SDCBP2: variants seen among roughly 807,000 people sequenced by gnomAD.
SDCBP2 encodes the protein syndecan binding protein 2.
SDCBP2 carries 28 observed loss-of-function variants against 30.7 expected under a neutral mutation model. That is an observed-to-expected ratio of 0.91 (90% confidence interval 0.68 to 1.25). The LOEUF (loss-of-function observed/expected upper bound fraction) is 1.25, where lower values mean the gene tolerates loss of function less well. Among genes scored for constraint, SDCBP2 ranks in the 50% most tolerant of loss-of-function variants. The pLI is 0.00. For synonymous variants in SDCBP2, 166 were observed against 157.3 expected, an observed-to-expected ratio of 1.06 and a Z score of -0.41; for missense variants, 399 against 379.0, an observed-to-expected ratio of 1.05 and a Z score of -0.44.
chr20:1,325,089 T>C (rs533198121), intron 1 of SDCBP2, among the ~76,000 whole-genome samples: 10 of 152,028 alleles, frequency 6.6e-5, no homozygotes, highest in African/African-American at 2.4e-4. Context: ...TTTCCTGCTT[T>C]GGGAAATAGG....
chr20:1,312,708 G>A lies in SDCBP2; in HGVS notation c.439C>T (p.Arg147Cys), dbSNP rs138600579. The change falls in exon 6 of 9, where the codon CGC becomes TGC. Residue 147 changes from arginine (R) to cysteine (C), a missense_variant. Transcript: ENST00000360779. ...ATCTGCAGGAGCTGGTCCCCAAAGC[G>A]CAGCCCCACAAGGGATGCAGGGGTG... ...ANTPASLVGL[R>C]FGDQLLQIDG... The A allele has an allele frequency of 8.5e-5, 137 of 1,613,954 alleles. No homozygotes were observed. In the African/African-American group the frequency reaches 1.6e-3, roughly 19 times the overall value.
intron 8 of SDCBP2, 113 bp from the exon 9 acceptor site, chr20:1,310,608 A>G: frequency 1.8e-6 from 2 of 1,119,642 alleles, no homozygotes; most frequent in South Asian, 3.0e-5. Context: ...TCCCAGTTCT[A>G]AGACTTTCGA....
At chr20:1,323,579 G>T (rs758562926) in intron 1 of SDCBP2, 36 of 152,106 alleles carry the variant, frequency 2.4e-4, no homozygotes, top group Non-Finnish European at 3.8e-4. Context: ...GCTGGGATGC[G>T]GGGAAGTGAG....
In SDCBP2 at chr20:1,319,671, C is replaced by A; in HGVS notation, c.55-12G>T. 6.5e-7 allele frequency: 1 copy of A among 1,548,742 alleles called. No individual in the cohort carries two copies. Among genetic ancestry groups the A allele is most frequent in the East Asian group, 2.3e-5 (1 of 42,694 alleles). On this transcript the variant is annotated splice_polypyrimidine_tract_variant and intron_variant, in intron 2 of 8. Coordinates refer to ENST00000360779, the MANE Select transcript of SDCBP2 (RefSeq NM_080489.5). ...GCTCTGACCTGGGCCTGGGGAGGAG[C>A]AGGGAGCACTGGTCAGCTGTGGCCA...
intron 1 of SDCBP2, among the ~76,000 whole-genome samples, chr20:1,327,044 T>C (rs1422115959): frequency 6.6e-6 from 1 of 152,206 alleles, no homozygotes; most frequent in Non-Finnish European, 1.5e-5. Flanking sequence ...GCCTGGCTCC[T>C]ATAATCTGAC....
chr20:1,317,940 T>A lies in SDCBP2; in HGVS notation c.225+378A>T. The A allele has an allele frequency of 8.6e-6, 3 of 350,812 alleles. No homozygotes were observed. In the East Asian group the frequency reaches 2.2e-4, roughly 26 times the overall value. 21.7% of individuals were successfully genotyped at this position (350,812 alleles called of 1,614,324 possible). ...CAGGAATTGAGCCTTGTTGTTTAATTTGGGGACCAGAGTTGGGTGACGAGC... is the reference window on the plus strand; with the variant it reads ...CAGGAATTGAGCCTTGTTGTTTAATATGGGGACCAGAGTTGGGTGACGAGC... On this transcript the variant is annotated intron_variant, in intron 4 of 8. Coordinates refer to ENST00000360779, the MANE Select transcript of SDCBP2 (RefSeq NM_080489.5).
intron 1 of SDCBP2, among the ~76,000 whole-genome samples, chr20:1,327,314 C>G (rs1362636407): frequency 1.3e-5 from 2 of 152,216 alleles, no homozygotes; most frequent in Non-Finnish European, 2.9e-5. Context: ...AGTGAGAACA[C>G]TCTTTGGAAC....
intron 8 of SDCBP2, 43 bp downstream of exon 8, chr20:1,310,757 G>T: frequency 6.5e-7 from 1 of 1,532,484 alleles, no homozygotes. Flanking sequence ...GAAGGGGATG[G>T]CAGAGGAGGG....
intron 2 of SDCBP2, 95 bp from the exon 3 acceptor site, chr20:1,319,754 G>A (rs2088828042): frequency 2.9e-6 from 3 of 1,028,814 alleles, no homozygotes; most frequent in African/African-American, 3.3e-5. Flanking sequence ...GGCATTAGGG[G>A]TGTGAGTGGG....
Position 1,318,427 on chromosome 20 carries a change from G to C in SDCBP2, c.125-9C>G. 7 of 1,546,368 alleles carry C rather than the reference G, an allele frequency of 4.5e-6. No individual in the cohort carries two copies. Among genetic ancestry groups the C allele is most frequent in the Non-Finnish European group, 5.3e-6 (6 of 1,128,874 alleles). ...CAAGTTTGGGTACAAAACTGATAGG[G>C]AAAGAAGGAAGAATAAATGTGTCAT... On this transcript the variant is annotated splice_polypyrimidine_tract_variant and intron_variant, in intron 3 of 8. Transcript: ENST00000360779.
intron 7 of SDCBP2, 56 bp from the exon 8 acceptor site, chr20:1,310,947 T>G: frequency 7.8e-7 from 1 of 1,286,110 alleles, no homozygotes. Flanking sequence ...GGGGCAACTC[T>G]ACAGGCCCCT....
intron 8 of SDCBP2, 56 bp downstream of exon 8, chr20:1,310,744 G>C (rs2122496275): frequency 5.4e-6 from 8 of 1,473,224 alleles, no homozygotes; most frequent in Non-Finnish European, 7.5e-6. Flanking sequence ...GAGGCCGGGA[G>C]GTGAAGGGGA....
intron 8 of SDCBP2, 146 bp from the exon 9 acceptor site, chr20:1,310,641 C>T (rs951986602): frequency 9.8e-7 from 1 of 1,016,764 alleles, no homozygotes; most frequent in African/African-American, 1.6e-5. Flanking sequence ...CACAAGCTAC[C>T]TTGGAGGGAG....
chr20:1,310,348 A>AGCAG lies in SDCBP2; in HGVS notation c.*89_*92dup. The AGCAG allele has an allele frequency of 7.5e-7, 1 of 1,339,706 alleles. No homozygotes were observed. The highest frequency in any genetic ancestry group is 1.1e-6 in the Non-Finnish European group (1 of 944,068). 83.0% of individuals were successfully genotyped at this position (1,339,706 alleles called of 1,614,324 possible). The stretch of plus-strand genomic sequence containing the variant: ...CCTCATGGCAGCCCCCACCTTAAGC[A>AGCAG]GCAGGCCGGCTGCAACCCATCATCC... On this transcript the variant is annotated 3_prime_UTR_variant, in exon 9 of 9. Coordinates refer to ENST00000360779, the MANE Select transcript of SDCBP2 (RefSeq NM_080489.5).
intron 8 of SDCBP2, 108 bp from the exon 9 acceptor site, chr20:1,310,603 G>A (rs2088648068): frequency 8.7e-7 from 1 of 1,153,958 alleles, no homozygotes; most frequent in Non-Finnish European, 1.2e-6. Context: ...TTCACTCCCA[G>A]TTCTAAGACT....
intron 5 of SDCBP2, 139 bp from the exon 6 acceptor site, chr20:1,312,901 G>A (rs976578039): frequency 4.4e-5 from 40 of 899,026 alleles, no homozygotes; most frequent in Non-Finnish European, 6.2e-5. Context: ...CAGGCACCAA[G>A]GTTACCCCAT....
chr20:1,312,545 G>T (rs527775206), intron 6 of SDCBP2, 37 bp from the exon 7 acceptor site: 3 of 1,613,926 alleles, frequency 1.9e-6, no homozygotes, highest in East Asian at 4.5e-5. Context: ...TGGGGACATG[G>T]CTGGGGTGAG....
chr20:1,320,129 G>C lies in SDCBP2; in HGVS notation c.54+234C>G, dbSNP rs140227269. Among the ~76,000 whole-genome samples, 3 of 152,218 alleles carry C rather than the reference G, an allele frequency of 2.0e-5. No homozygotes were observed. The highest frequency in any genetic ancestry group is 6.5e-5 in the Admixed American group (1 of 15,288). On this transcript the variant is annotated intron_variant, in intron 2 of 8. Transcript: ENST00000360779. This position sits in a 1 kb window ranked among gnomAD's most constrained non-coding sequence, Gnocchi z 4.7. The stretch of plus-strand genomic sequence containing the variant: ...GGGAGGGAGAGCTGGGCCTGGGCAG[G>C]ACAGAGCAGGCATGAGAGAGGCATG...
At chr20:1,316,896 A>T (rs887690455) in intron 4 of SDCBP2, among the ~76,000 whole-genome samples, 3 of 152,214 alleles carry the variant, frequency 2.0e-5, no homozygotes, top group Admixed American at 2.0e-4. Context: ...ATGGAATACT[A>T]CTCAGCAGTA....
Sources: gnomAD v4.1 joint callset for allele counts (sites outside exome capture counted in the v4.1 genomes callset) on GRCh38, gnomAD v4.1.1 for gene constraint, Gnocchi (gnomAD v3.1) non-coding constraint, MANE v1.5 for transcripts, NCBI Gene and HGNC (gene_info 2026-07-23, HGNC 2026-07-21) for gene names.